The following MLIP variants were observed in gnomAD, a reference collection of about 807,000 sequenced individuals.
MLIP encodes the protein muscular LMNA interacting protein, also known as muscular LMNA-interacting protein.
MLIP carries 79 observed loss-of-function variants against 84.8 expected under a neutral mutation model. That is an observed-to-expected ratio of 0.93 (90% CI 0.78 to 1.12). The LOEUF (loss-of-function observed/expected upper bound fraction) is 1.12, where lower values mean the gene tolerates loss of function less well. Ranked by LOEUF, MLIP falls within the 50% of genes most tolerant of loss-of-function variation. MLIP has a pLI of 0.00. For missense variants in MLIP, 1,257 were observed against 1,160.6 expected (o/e 1.08, Z -1.21); for synonymous variants, 504 against 463.0 (o/e 1.09, Z -1.14).
Position 54,121,463 on chromosome 6 carries a change from C to T in MLIP, c.113C>T (p.Ser38Phe). Reference protein sequence around the residue: ...QTTPQVSAGGSEAKPLIFTFV... With the variant: ...QTTPQVSAGGFEAKPLIFTFV... ...GTCTCATAGGTCTCTGCTGGTGGTT[C>T]TGAAGCCAAACCTCTGATCTTCACA... Residue 38 changes from serine to phenylalanine, a missense_variant, in exon 2 of 14, where the codon TCT (serine) becomes TTT (phenylalanine). By Grantham distance (155) the Ser-to-Phe change is radical. Coordinates refer to ENST00000502396, the MANE Select transcript of MLIP (RefSeq NM_001281747.2). The T allele has an allele frequency of 1.2e-6, 2 of 1,614,048 alleles. No homozygotes were observed. Among genetic ancestry groups the T allele is most frequent in the Non-Finnish European group, 1.7e-6 (2 of 1,179,996 alleles).
At chr6:54,062,421 A>G (rs1766019443) in intron 1 of MLIP, among the ~76,000 whole-genome samples, 2 of 152,224 alleles carry the variant, frequency 1.3e-5, no homozygotes, top group Non-Finnish European at 2.9e-5. Context: ...GCCTTTTGCC[A>G]AGTATCCTCT....
chr6:54,024,344 A>G (rs1384002820), intron 1 of MLIP, among the ~76,000 whole-genome samples: 1 of 152,256 alleles, frequency 6.6e-6, no homozygotes, highest in Non-Finnish European at 1.5e-5. Context: ...CTTCATTAAT[A>G]CAAATAAAAT....
chr6:54,261,950 A>C (rs1045945008), intron 13 of MLIP, among the ~76,000 whole-genome samples: 1 of 152,046 alleles, frequency 6.6e-6, no homozygotes, highest in Non-Finnish European at 1.5e-5. Flanking sequence ...GATTAAAAGA[A>C]GATTCCTATG....
chr6:54,221,314 T>C (rs1780204741), intron 11 of MLIP, among the ~76,000 whole-genome samples: 1 of 152,026 alleles, frequency 6.6e-6, no homozygotes, highest in Non-Finnish European at 1.5e-5. Flanking sequence ...GGAAATCCAT[T>C]TGCTATGGAA....
At chr6:54,228,298 G>T (rs1163826243) in intron 11 of MLIP, among the ~76,000 whole-genome samples, 1 of 151,700 alleles carries the variant, frequency 6.6e-6, no homozygotes, top group Non-Finnish European at 1.5e-5. Flanking sequence ...AGAATCACAG[G>T]ATCATAATGT....
At chr6:54,261,554 T>C (rs1783393624) in intron 13 of MLIP, 2 of 982,764 alleles carry the variant, frequency 2.0e-6, no homozygotes, top group African/African-American at 3.5e-5. Flanking sequence ...ACATAACAAT[T>C]CTGTTAGCAA....
intron 12 of MLIP, among the ~76,000 whole-genome samples, chr6:54,254,984 C>T (rs1048909969): frequency 6.6e-6 from 1 of 152,066 alleles, no homozygotes; most frequent in Non-Finnish European, 1.5e-5. Flanking sequence ...TCAGACTCCT[C>T]ATCTGACATA....
At chr6:54,246,767 T>G (rs1276925821) in intron 12 of MLIP, among the ~76,000 whole-genome samples, 1 of 152,160 alleles carries the variant, frequency 6.6e-6, no homozygotes, top group African/African-American at 2.4e-5. Flanking sequence ...AGGTCTGTAT[T>G]CGTATTTATA....
At chr6:54,131,536 G>A (rs139924726) in intron 3 of MLIP, among the ~76,000 whole-genome samples, 4 of 152,110 alleles carry the variant, frequency 2.6e-5, no homozygotes, top group Admixed American at 1.3e-4. Flanking sequence ...GCAAGTAACC[G>A]TTTCCACCCA....
chr6:54,033,501 G>A (rs1009307999), intron 1 of MLIP, among the ~76,000 whole-genome samples: 7 of 151,924 alleles, frequency 4.6e-5, no homozygotes, highest in Non-Finnish European at 7.4e-5. Flanking sequence ...TCCTGGCTTC[G>A]TAATCCACCC....
chr6:54,211,988 A>G (rs574186414), intron 11 of MLIP, among the ~76,000 whole-genome samples: 1 of 152,306 alleles, frequency 6.6e-6, no homozygotes, highest in East Asian at 1.9e-4. Flanking sequence ...TTGACATAAA[A>G]AAAGAAGGTA....
At chr6:54,120,011 C>T (rs1255651573) in intron 1 of MLIP, among the ~76,000 whole-genome samples, 2 of 152,162 alleles carry the variant, frequency 1.3e-5, no homozygotes, top group Non-Finnish European at 2.9e-5. Flanking sequence ...TCTACTCTCA[C>T]CCATCCCCTA....
At chr6:54,063,082 T>C (rs1766062052) in intron 1 of MLIP, among the ~76,000 whole-genome samples, 1 of 152,048 alleles carries the variant, frequency 6.6e-6, no homozygotes, top group South Asian at 2.1e-4. Flanking sequence ...GGCGTACGCC[T>C]GTAATCCCAG....
chr6:54,221,692 A>G lies in MLIP; in HGVS notation c.2719-9022A>G, dbSNP rs1281281057. ...ATATTATTGGTAAAATATTTTGTTA[A>G]CTTGTTTGTTCAGTTTATCATAGAT... On this transcript the variant is annotated intron_variant, in intron 11 of 13. Transcript: ENST00000502396. Among the ~76,000 whole-genome samples the G allele has an allele frequency of 2.1e-5, 3 of 141,528 alleles. No homozygotes were observed. In the Admixed American group the frequency reaches 2.2e-4, roughly 11 times the overall value. 92.8% of individuals were successfully genotyped at this position (141,528 alleles called of 152,430 possible).
intron 1 of MLIP, among the ~76,000 whole-genome samples, chr6:54,036,564 T>C (rs1167803655): frequency 6.6e-6 from 1 of 151,974 alleles, no homozygotes; most frequent in Non-Finnish European, 1.5e-5. Context: ...TGAGTGTTAA[T>C]GAGAATCAAA....
At chr6:54,059,990 A>C (rs530244885) in intron 1 of MLIP, among the ~76,000 whole-genome samples, 82 of 152,396 alleles carry the variant, frequency 5.4e-4, no homozygotes, top group South Asian at 2.1e-4. Context: ...TTTCTCCTAA[A>C]GTTTTATCCA....
At chr6:54,241,605 T>A (rs529209981) in intron 12 of MLIP, among the ~76,000 whole-genome samples, 1 of 152,268 alleles carries the variant, frequency 6.6e-6, no homozygotes, top group African/African-American at 2.4e-5. Flanking sequence ...TTTTAAAAAA[T>A]TAAAGTGCCC....
At chr6:54,202,262 T>A in intron 11 of MLIP, 29 bp downstream of exon 11, 1 of 1,246,198 alleles carries the variant, frequency 8.0e-7, no homozygotes, top group South Asian at 2.3e-5. Flanking sequence ...AAATGTTTGC[T>A]ATTTTGATAA....
chr6:54,153,388 A>C (rs1412918400), intron 5 of MLIP, among the ~76,000 whole-genome samples: 2 of 151,934 alleles, frequency 1.3e-5, no homozygotes, highest in Non-Finnish European at 2.9e-5. Context: ...GCTAGATTTG[A>C]AATTCTAGTC....
Sources: gnomAD v4.1 joint callset for allele counts (sites outside exome capture counted in the v4.1 genomes callset) on GRCh38, gnomAD v4.1.1 for gene constraint, MANE v1.5 for transcripts, NCBI Gene and HGNC (gene_info 2026-07-23, HGNC 2026-07-21) for gene names.